The following IQGAP2 variants were observed in gnomAD, a reference collection of about 807,000 sequenced individuals.
IQGAP2 encodes ras GTPase-activating-like protein IQGAP2.
A neutral mutation model predicts 201.3 loss-of-function variants in IQGAP2; 173 were observed. That is an observed-to-expected ratio of 0.86 (90% CI 0.76 to 0.98). The LOEUF (loss-of-function observed/expected upper bound fraction) is 0.98. Among genes scored for constraint, IQGAP2 ranks in the 50% least tolerant of loss-of-function variants. The probability of loss-of-function intolerance (pLI) is 0.00; values close to 1 mark genes in which losing one functional copy is unlikely to be tolerated. For missense variants in IQGAP2, 1,687 were observed against 1,864.8 expected (o/e 0.90, Z 1.76); for synonymous variants, 675 against 673.9 (o/e 1.00, Z -0.03).
chr5:76,639,284 C>T (rs553888412), intron 16 of IQGAP2, among the ~76,000 whole-genome samples: 2 of 151,954 alleles, frequency 1.3e-5, no homozygotes, highest in African/African-American at 4.8e-5. Context: ...GATTTATTTC[C>T]AGTGCTTCCA....
intron 28 of IQGAP2, among the ~76,000 whole-genome samples, chr5:76,680,794 TAAAAAAAA>T (rs755958579): frequency 4.3e-5 from 5 of 115,534 alleles, no homozygotes; most frequent in African/African-American, 1.7e-4. Flanking sequence ...TTGTCTCATT[TAAAAAAAA>T]AAAAAAAAAA....
intron 16 of IQGAP2, among the ~76,000 whole-genome samples, chr5:76,637,887 A>T (rs114869660): frequency 6.6e-6 from 1 of 152,366 alleles, no homozygotes; most frequent in Non-Finnish European, 1.5e-5. Context: ...GTTAAACAAG[A>T]TACATTGAAC....
At chr5:76,594,016 T>C (rs541701914) in intron 9 of IQGAP2, among the ~76,000 whole-genome samples, 1 of 152,344 alleles carries the variant, frequency 6.6e-6, no homozygotes, top group East Asian at 1.9e-4. Flanking sequence ...AGAATATGCC[T>C]CACATACACA....
intron 1 of IQGAP2, among the ~76,000 whole-genome samples, chr5:76,418,130 G>A (rs374255111): frequency 1.7e-4 from 25 of 150,134 alleles, no homozygotes; most frequent in East Asian, 1.4e-3. Context: ...TCACTTGAAC[G>A]TGGGAGGCGG....
intron 21 of IQGAP2, among the ~76,000 whole-genome samples, chr5:76,659,689 A>G (rs1743085729): frequency 6.6e-6 from 1 of 152,206 alleles, no homozygotes; most frequent in African/African-American, 2.4e-5. Flanking sequence ...AGGTGAGGGC[A>G]ATTATTTACA....
At chr5:76,485,119 C>CT (rs1236728455) in intron 2 of IQGAP2, among the ~76,000 whole-genome samples, 1 of 152,088 alleles carries the variant, frequency 6.6e-6, no homozygotes, top group East Asian at 1.9e-4. Flanking sequence ...GTCCAGCCTT[C>CT]TTTTTTCAAA....
chr5:76,455,333 G>T (rs997895946), intron 1 of IQGAP2, among the ~76,000 whole-genome samples: 2 of 151,546 alleles, frequency 1.3e-5, no homozygotes, highest in Non-Finnish European at 2.9e-5. Flanking sequence ...CATGCCTGTA[G>T]TCCCAGCTAC....
intron 1 of IQGAP2, among the ~76,000 whole-genome samples, chr5:76,426,452 A>C (rs541764316): frequency 6.6e-6 from 1 of 152,182 alleles, no homozygotes. Context: ...GAAACCAAAC[A>C]GTTGGAGAGG....
chr5:76,640,962 C>T lies in IQGAP2; in HGVS notation c.1953C>T (p.Tyr651=), dbSNP rs767864223. The T allele has an allele frequency of 6.2e-7, 1 of 1,600,194 alleles. No homozygotes were observed. Among genetic ancestry groups the T allele is most frequent in the East Asian group, 2.2e-5 (1 of 44,446 alleles). The change falls in exon 17 of 36, where the codon TAC becomes TAT. Residue 651 remains tyrosine (Y), a synonymous_variant. Coordinates refer to ENST00000274364, the MANE Select transcript of IQGAP2 (RefSeq NM_006633.5). ...EDIIEEVTVG[Y]IRENIWSASE... is the part of the protein sequence containing the mutation. ...TTATTGAGGAAGTCACAGTAGGTTA[C>T]ATTCGTGAGAATATATGGTCTGCTT...
intron 2 of IQGAP2, among the ~76,000 whole-genome samples, chr5:76,502,875 A>G (rs1757354971): frequency 6.6e-6 from 1 of 151,118 alleles, no homozygotes; most frequent in Non-Finnish European, 1.5e-5. Flanking sequence ...AGCTGGGACT[A>G]TAGGCATGCA....
At chr5:76,513,717 A>G (rs1167076983) in intron 2 of IQGAP2, among the ~76,000 whole-genome samples, 2 of 152,180 alleles carry the variant, frequency 1.3e-5, no homozygotes, top group Admixed American at 6.5e-5. Flanking sequence ...GGAGGGAGGG[A>G]TGAATAGGTG....
At chr5:76,537,023 TA>T (rs2150214514) in intron 2 of IQGAP2, among the ~76,000 whole-genome samples, 1 of 152,358 alleles carries the variant, frequency 6.6e-6, no homozygotes, top group Admixed American at 6.5e-5. Flanking sequence ...TTTTCATTTG[TA>T]ATAAGTTTAC....
At chr5:76,670,443 G>A (rs1360788114) in intron 23 of IQGAP2, among the ~76,000 whole-genome samples, 1 of 152,192 alleles carries the variant, frequency 6.6e-6, no homozygotes. Flanking sequence ...GAACCCAGGA[G>A]GCAGAGCTTG....
At chr5:76,579,764 A>G (rs1468331268) in intron 5 of IQGAP2, among the ~76,000 whole-genome samples, 1 of 151,956 alleles carries the variant, frequency 6.6e-6, no homozygotes, top group Admixed American at 6.6e-5. Context: ...CTGATTTATC[A>G]TCTCAGATCA....
At chr5:76,567,829 A>G (rs1744860875) in intron 3 of IQGAP2, among the ~76,000 whole-genome samples, 1 of 152,228 alleles carries the variant, frequency 6.6e-6, no homozygotes, top group Non-Finnish European at 1.5e-5. Context: ...GTAATTCCTC[A>G]TCTATGCAGT....
chr5:76,640,403 C>T (rs190582089), intron 16 of IQGAP2, among the ~76,000 whole-genome samples: 126 of 152,276 alleles, frequency 8.3e-4, no homozygotes, highest in Non-Finnish European at 1.5e-3. Flanking sequence ...TGCTCTCTAT[C>T]CTTAATAGCA....
chr5:76,634,046 T>G (rs1028251523), intron 15 of IQGAP2, among the ~76,000 whole-genome samples: 2 of 152,134 alleles, frequency 1.3e-5, no homozygotes, highest in African/African-American at 4.8e-5. Context: ...ACAACTGATT[T>G]TTGTATATTG....
Position 76,683,180 on chromosome 5 carries a change from G to T in IQGAP2, c.3726G>T (p.Gly1242=). ...ATGACTTACTGAGTGAATTGCTGGG[G>T]TCGCTGGGAGAGGTGCCAACCGTGG... The part of the protein sequence containing the change: ...EKNDLLSELL[G]SLGEVPTVES... Residue 1242 remains glycine, a synonymous_variant, in exon 29 of 36, where the codon GGG becomes GGT. Transcript: ENST00000274364. 1 of 1,612,320 alleles carries T rather than the reference G, an allele frequency of 6.2e-7. No individual in the cohort carries two copies. The highest frequency in any genetic ancestry group is 8.5e-7 in the Non-Finnish European group (1 of 1,179,180).
At chr5:76,417,309 A>G (rs1349712315) in intron 1 of IQGAP2, among the ~76,000 whole-genome samples, 1 of 151,938 alleles carries the variant, frequency 6.6e-6, no homozygotes, top group Non-Finnish European at 1.5e-5. Flanking sequence ...ATTATTTTTG[A>G]GATGAAGTCT....
Sources: gnomAD v4.1 joint callset for allele counts (sites outside exome capture counted in the v4.1 genomes callset) on GRCh38, gnomAD v4.1.1 for gene constraint, MANE v1.5 for transcripts, NCBI Gene and HGNC (gene_info 2026-07-23, HGNC 2026-07-21) for gene names.